Variants in SP100 observed in about 807,000 individuals in gnomAD.
SP100 encodes nuclear autoantigen Sp-100.
A neutral mutation model predicts 130.0 loss-of-function variants in SP100; 84 were observed. That is an observed-to-expected ratio of 0.65 (90% CI 0.54 to 0.77). The LOEUF is 0.77. Among genes scored for constraint, SP100 ranks in the 30% least tolerant of loss-of-function variants. The pLI is 0.00. For missense variants in SP100, 978 were observed against 1,052.2 expected (o/e 0.93, Z 0.97); for synonymous variants, 331 against 351.7 (o/e 0.94, Z 0.66).
In SP100 at chr2:230,541,894, C is replaced by T; in HGVS notation, c.2406C>T (p.Asn802=). 2 of 1,613,744 alleles carry T rather than the reference C, an allele frequency of 1.2e-6. No individual in the cohort carries two copies. Among genetic ancestry groups the T allele is most frequent in the Middle Eastern group, 1.7e-4 (1 of 6,044 alleles). Reference sequence around the variant, plus strand: ...CATTTTGGTCTTTTACTCAACAGAACAGAGAGGGGTCTCAGGGCCCACAGA... The same window carrying T: ...CATTTTGGTCTTTTACTCAACAGAATAGAGAGGGGTCTCAGGGCCCACAGA... ...SCFFASEPYY[N]REGSQGPQKP... The change falls in exon 28 of 29, where the codon AAC becomes AAT. Residue 802 remains asparagine, a splice_region_variant and synonymous_variant. Coordinates refer to ENST00000340126, the MANE Select transcript of SP100 (RefSeq NM_001080391.2).
At chr2:230,433,526 A>G (rs1001676421) in intron 2 of SP100, among the ~76,000 whole-genome samples, 1 of 152,118 alleles carries the variant, frequency 6.6e-6, no homozygotes, top group African/African-American at 2.4e-5. Context: ...CAATTTCTGC[A>G]AAAGGCCATT....
intron 11 of SP100, among the ~76,000 whole-genome samples, chr2:230,465,714 A>G (rs912770726): frequency 6.6e-6 from 1 of 152,158 alleles, no homozygotes; most frequent in African/African-American, 2.4e-5. Flanking sequence ...CCATGTGACA[A>G]ACCTTCACAT....
chr2:230,465,246 A>C (rs565411721), intron 11 of SP100, among the ~76,000 whole-genome samples: 34 of 152,074 alleles, frequency 2.2e-4, no homozygotes, highest in African/African-American at 6.5e-4. Context: ...AAAAAAAAAA[A>C]TTAGCCAGGA....
At position 230,449,657 on chromosome 2, in the gene SP100, C is replaced by G. The variant is rs147270074; in HGVS notation, c.683C>G (p.Ser228Trp). The change falls in exon 7 of 29, where the codon TCG (serine) becomes TGG (tryptophan). Residue 228 changes from serine (S) to tryptophan (W), a missense_variant. By Grantham distance (177) the Ser-to-Trp change is radical (BLOSUM62 -3). Coordinates refer to ENST00000340126, the MANE Select transcript of SP100 (RefSeq NM_001080391.2). ...GATACAACCAGTGACAAAGATGATTCGCTAGGAAGCCAACAAACAAATGAA... is the reference window on the plus strand; with the variant it reads ...GATACAACCAGTGACAAAGATGATTGGCTAGGAAGCCAACAAACAAATGAA... ...RKDTTSDKDDSLGSQQTNEQC... is the reference protein window; with the variant it reads ...RKDTTSDKDDWLGSQQTNEQC... 3.7e-6 allele frequency: 6 copies of G among 1,614,076 alleles called. No homozygotes were observed. In the African/African-American group the frequency reaches 5.3e-5, roughly 14 times the overall value.
intron 10 of SP100, among the ~76,000 whole-genome samples, chr2:230,462,860 T>C (rs2064732969): frequency 6.6e-6 from 1 of 152,230 alleles, no homozygotes; most frequent in South Asian, 2.1e-4. Context: ...ATTTATATAG[T>C]GATTTTTATA....
chr2:230,459,309 A>G (rs796883422), intron 8 of SP100, among the ~76,000 whole-genome samples: 10 of 152,282 alleles, frequency 6.6e-5, no homozygotes, highest in African/African-American at 2.4e-4. Flanking sequence ...CTGAGGAGAT[A>G]AGAGCTAGAA....
intron 24 of SP100, among the ~76,000 whole-genome samples, chr2:230,518,438 C>A (rs1691024975): frequency 2.0e-5 from 3 of 151,762 alleles, no homozygotes; most frequent in Admixed American, 6.6e-5. Context: ...AATAAGAAAT[C>A]TTGAATTGTC....
chr2:230,435,921 C>T (rs374498602), intron 2 of SP100, among the ~76,000 whole-genome samples: 1 of 149,158 alleles, frequency 6.7e-6, no homozygotes. Flanking sequence ...TACTATGCAG[C>T]CATAAAAAAG....
chr2:230,481,866 A>T (rs907448331), intron 17 of SP100, among the ~76,000 whole-genome samples: 1 of 152,220 alleles, frequency 6.6e-6, no homozygotes, highest in African/African-American at 2.4e-5. Flanking sequence ...TTGACTCTAC[A>T]TAAGATGCTT....
At chr2:230,453,327 T>C (rs1426780566) in intron 8 of SP100, among the ~76,000 whole-genome samples, 3 of 152,186 alleles carry the variant, frequency 2.0e-5, no homozygotes, top group Non-Finnish European at 2.9e-5. Flanking sequence ...TTATGGGAAC[T>C]ACAATTCAAG....
intron 25 of SP100, 91 bp from the exon 26 acceptor site, chr2:230,540,785 A>T (rs1692142849): frequency 1.3e-6 from 2 of 1,486,126 alleles, no homozygotes; most frequent in Admixed American, 3.9e-5. Context: ...GGAAACCACT[A>T]GGCATTCTTG....
chr2:230,479,512 C>G (rs530813212), intron 17 of SP100, among the ~76,000 whole-genome samples: 1 of 152,324 alleles, frequency 6.6e-6, no homozygotes, highest in East Asian at 1.9e-4. Flanking sequence ...ACTCCCAACC[C>G]TCCCACAACT....
At chr2:230,522,476 CTTTTTTTTT>C (rs750389091) in intron 24 of SP100, among the ~76,000 whole-genome samples, 4 of 82,138 alleles carry the variant, frequency 4.9e-5, no homozygotes, top group Non-Finnish European at 8.6e-5. Flanking sequence ...CCCCAGTGTT[CTTTTTTTTT>C]TTTTTTTTTT....
chr2:230,510,651 C>A (rs1205062546), intron 23 of SP100: 3 of 197,246 alleles, frequency 1.5e-5, no homozygotes, highest in African/African-American at 7.2e-5. Context: ...TGCGCGCCAC[C>A]ACACTCAGCT....
At chr2:230,469,188 AAATT>A in intron 14 of SP100, 92 bp downstream of exon 14, 2 of 816,760 alleles carry the variant, frequency 2.4e-6, no homozygotes, top group Non-Finnish European at 4.0e-6. Flanking sequence ...TTAAAATAAA[AAATT>A]AATTTGTTGG....
chr2:230,511,892 G>A (rs1340634413), intron 24 of SP100, among the ~76,000 whole-genome samples: 3 of 152,118 alleles, frequency 2.0e-5, no homozygotes, highest in African/African-American at 7.2e-5. Flanking sequence ...TTTGAGACAG[G>A]ATCTTGCTGT....
At chr2:230,479,561 A>AC (rs1467473071) in intron 17 of SP100, among the ~76,000 whole-genome samples, 2 of 152,092 alleles carry the variant, frequency 1.3e-5, no homozygotes, top group Non-Finnish European at 2.9e-5. Flanking sequence ...TGTACTAAAG[A>AC]CTCAGTCTTC....
chr2:230,539,945 A>G (rs1199217520), intron 25 of SP100, among the ~76,000 whole-genome samples: 1 of 152,156 alleles, frequency 6.6e-6, no homozygotes, highest in Non-Finnish European at 1.5e-5. Flanking sequence ...AGAATTGTTA[A>G]GGCTGAGAGG....
intron 17 of SP100, among the ~76,000 whole-genome samples, chr2:230,487,994 G>C (rs1261157165): frequency 2.6e-5 from 4 of 152,052 alleles, no homozygotes; most frequent in East Asian, 1.9e-4. Flanking sequence ...CTTGCCTACT[G>C]ATGGTGTAAA....
Sources: allele counts gnomAD v4.1 joint callset (sites outside exome capture counted in the v4.1 genomes callset), GRCh38; gene constraint gnomAD v4.1.1; transcripts MANE v1.5; gene names NCBI Gene and HGNC (gene_info 2026-07-23, HGNC 2026-07-21).